Variants in PRDM9 observed in about 807,000 individuals in gnomAD.
The protein encoded by PRDM9 is PR/SET domain 9, also known as histone-lysine N-methyltransferase PRDM9.
Under a neutral mutation model 55.6 loss-of-function variants are expected in PRDM9, and 47 were observed. The observed-to-expected ratio is 0.85, with a 90% CI of 0.67 to 1.08. The LOEUF (loss-of-function observed/expected upper bound fraction) is 1.08. Among genes scored for constraint, PRDM9 ranks in the 50% least tolerant of loss-of-function variants. The pLI, the probability that PRDM9 is intolerant of heterozygous loss-of-function variation, is 0.00. For synonymous variants in PRDM9, 312 were observed against 375.7 expected (o/e 0.83, Z 1.96); for missense variants, 867 against 1,040.3 (o/e 0.83, Z 2.29).
Position 23,509,961 on chromosome 5 carries a change from C to A in PRDM9, c.235C>A (p.Gln79Lys). Residue 79 changes from glutamine (Q) to lysine (K), a missense_variant, in exon 4 of 11, where the codon CAG (glutamine) becomes AAG (lysine). By Grantham distance (53) the Gln-to-Lys change is moderately conservative (BLOSUM62 1). Coordinates refer to ENST00000296682, the MANE Select transcript of PRDM9 (RefSeq NM_020227.4). ...ACCAGCTTTCATGTGTCACCGAAGG[C>A]AGGCCATCAAACTCCAGGTGGATGA... ...TRPAFMCHRR[Q>K]AIKLQVDDTE... 6.2e-7 allele frequency: 1 copy of A among 1,613,730 alleles called. No individual in the cohort carries two copies. The highest frequency in any genetic ancestry group is 8.5e-7 in the Non-Finnish European group (1 of 1,179,942).
Position 23,527,680 on chromosome 5 carries a change from G to A in PRDM9, c.2592G>A (p.Glu864=). The part of the protein sequence containing the change: ...HTGEKPYVCR[E]CGRGFSDRSS... ...GGGAGAAGCCCTACGTCTGCAGGGA[G>A]TGTGGGCGGGGCTTTAGCGATAGGT... Residue 864 remains glutamate, a synonymous_variant, in exon 11 of 11, where the codon GAG becomes GAA. Transcript: ENST00000296682. 1 of 1,584,350 alleles carries A rather than the reference G, an allele frequency of 6.3e-7. No individual in the cohort carries two copies. The highest frequency in any genetic ancestry group is 8.6e-7 in the Non-Finnish European group (1 of 1,164,242).
rs745785368 is a variant in PRDM9 at position 23,509,429 on chromosome 5, T to A, written c.70-41T>A. 21 of 1,613,932 alleles carry A rather than the reference T, an allele frequency of 1.3e-5. 1 individual carries two copies. In the South Asian group the frequency reaches 1.9e-4, roughly 14 times the overall value. ...GTAGAGGAAAAGGACCAGCTTGATG[T>A]GTACTAGTAAATCACTGATGGAATC... On this transcript the variant is annotated intron_variant, in intron 2 of 10. Coordinates refer to ENST00000296682, the MANE Select transcript of PRDM9 (RefSeq NM_020227.4).
At chr5:23,522,281 C>T in intron 6 of PRDM9, 23 bp from the exon 7 acceptor site, 6 of 1,574,202 alleles carry the variant, frequency 3.8e-6, no homozygotes, top group Non-Finnish European at 5.2e-6. Context: ...CCAATTTTAC[C>T]CGTCTACTCT....
At chr5:23,510,353 G>T (rs763974673) in intron 4 of PRDM9, among the ~76,000 whole-genome samples, 2 of 151,476 alleles carry the variant, frequency 1.3e-5, no homozygotes, top group Non-Finnish European at 2.9e-5. Context: ...GAGCCACCAC[G>T]CCTGGCCTAT....
chr5:23,518,629 G>T (rs912532749), intron 5 of PRDM9, among the ~76,000 whole-genome samples: 6 of 152,194 alleles, frequency 3.9e-5, no homozygotes, highest in African/African-American at 1.4e-4. Flanking sequence ...CAGCTTTGAA[G>T]ACTGAGAAAC....
At chr5:23,517,784 C>T (rs2126419632) in intron 4 of PRDM9, 97 bp from the exon 5 acceptor site, 1 of 1,275,448 alleles carries the variant, frequency 7.8e-7, no homozygotes, top group South Asian at 1.2e-5. Context: ...GAGACTCCGT[C>T]TCAAAAATAA....
rs1242561352 is a variant in PRDM9 at position 23,509,584 on chromosome 5, A to C, written c.184A>C (p.Ile62Leu). The C allele has an allele frequency of 1.9e-6, 3 of 1,614,180 alleles. No homozygotes were observed. In the East Asian group the frequency reaches 6.7e-5, roughly 36 times the overall value. Residue 62 changes from isoleucine to leucine, a missense_variant, in exon 3 of 11, where the codon ATT (isoleucine) becomes CTT (leucine). Ile to Leu is a conservative substitution (Grantham distance 5). This residue lies in a region of PRDM9 where 662 missense variants were observed against 711.9 expected (regional missense o/e 0.93). Transcript: ENST00000296682. ...RNVKRNYNAL[I>L]TIGLRATRPA... ...TGTGAAAAGGAACTATAATGCACTG[A>C]TTACTATAGGTAACAGGAAGTGCTG...
At chr5:23,516,379 T>C (rs1739209511) in intron 4 of PRDM9, among the ~76,000 whole-genome samples, 1 of 152,160 alleles carries the variant, frequency 6.6e-6, no homozygotes, top group Non-Finnish European at 1.5e-5. Flanking sequence ...TCATGTATTA[T>C]TATTATTTTT....
At position 23,523,812 on chromosome 5, in the gene PRDM9, G is replaced by A. The variant is rs1309837842; in HGVS notation, c.950+454G>A. Among the ~76,000 whole-genome samples the A allele has an allele frequency of 2.6e-5, 4 of 152,224 alleles. No individual in the cohort carries two copies. The South Asian group carries it at 6.2e-4, about 24-fold the overall frequency. On this transcript the variant is annotated intron_variant, in intron 9 of 10. Transcript: ENST00000296682. ...TCAACTATTACTGTTCTATGTTATT[G>A]GGCCAAGAGAAAGAGACTTCTAAGT...
intron 5 of PRDM9, among the ~76,000 whole-genome samples, chr5:23,518,339 T>A (rs1409796403): frequency 6.6e-6 from 1 of 152,212 alleles, no homozygotes; most frequent in Non-Finnish European, 1.5e-5. Context: ...TCTAAAGCAC[T>A]TACAAGATCA....
intron 4 of PRDM9, among the ~76,000 whole-genome samples, chr5:23,515,451 C>A (rs893185323): frequency 2.6e-5 from 4 of 152,174 alleles, no homozygotes; most frequent in Admixed American, 2.6e-4. Flanking sequence ...ATATTTTCTT[C>A]CACTCTGTAG....
At position 23,527,292 on chromosome 5, in the gene PRDM9, T is replaced by A; in HGVS notation, c.2204T>A (p.Leu735His). The part of the protein sequence containing the change: ...CGRGFSNKSH[L>H]LRHQRTHTGE... ...CGGGGCTTTAGCAATAAGTCACACC[T>A]CCTCAGACACCAGAGGACACACACA... Residue 735 changes from leucine to histidine, a missense_variant, in exon 11 of 11, where the codon CTC (leucine) becomes CAC (histidine). Coordinates refer to ENST00000296682, the MANE Select transcript of PRDM9 (RefSeq NM_020227.4). The A allele has an allele frequency of 6.5e-7, 1 of 1,529,728 alleles. No homozygotes were observed. The highest frequency in any genetic ancestry group is 2.5e-5 in the East Asian group (1 of 39,438). 94.8% of individuals were successfully genotyped at this position (1,529,728 alleles called of 1,614,324 possible).
rs766580396 is a variant in PRDM9, at chr5:23,527,934, C to A, written c.*161C>A. The A allele has an allele frequency of 8.0e-5, 76 of 953,806 alleles. No individual in the cohort carries two copies. The highest frequency in any genetic ancestry group is 1.2e-4 in the Non-Finnish European group (72 of 625,182). 59.1% of individuals were successfully genotyped at this position (953,806 alleles called of 1,614,324 possible). A position where few individuals can be genotyped will look rare whatever the true frequency, so the allele number is the denominator to read the frequency against. On this transcript the variant is annotated 3_prime_UTR_variant, in exon 11 of 11. Coordinates refer to ENST00000296682, the MANE Select transcript of PRDM9 (RefSeq NM_020227.4). ...TCGGAAATAACTGATTAAACAAATCCGCCACTTTCATGACTAGAGATGAGG... is the reference window on the plus strand; with the variant it reads ...TCGGAAATAACTGATTAAACAAATCAGCCACTTTCATGACTAGAGATGAGG...
chr5:23,509,205 A>C, intron 2 of PRDM9, 103 bp downstream of exon 2: 1 of 1,497,114 alleles, frequency 6.7e-7, no homozygotes, highest in Non-Finnish European at 9.2e-7. Flanking sequence ...CTGAATGTGC[A>C]TGGAATGGGG....
Position 23,527,564 on chromosome 5 carries a change from CA to C in PRDM9, c.2477del (p.His826ProfsTer113). 1 of 1,576,944 alleles carries C rather than the reference CA, an allele frequency of 6.3e-7. No individual in the cohort carries two copies. Among genetic ancestry groups the C allele is most frequent in the Non-Finnish European group, 8.5e-7 (1 of 1,169,602 alleles). ...ACACCTCCTCAGACACCAGAGGACA[CA>C]CACAGGGGAGAAGCCCTATGTCTGC... Reference protein sequence around the residue: ...KSHLLRHQRTHTGEKPYVCRE... With the variant: ...KSHLLRHQRTXTGEKPYVCRE... On this transcript the variant is annotated frameshift_variant, in exon 11 of 11. Coordinates refer to ENST00000296682, the MANE Select transcript of PRDM9 (RefSeq NM_020227.4). LOFTEE classifies it low-confidence loss of function (END_TRUNC).
At chr5:23,511,462 C>T (rs1425099990) in intron 4 of PRDM9, among the ~76,000 whole-genome samples, 2 of 152,146 alleles carry the variant, frequency 1.3e-5, no homozygotes, top group Admixed American at 1.3e-4. Context: ...TTTCCTGTCT[C>T]AGTCTCCTGA....
rs1269470783 is a variant in PRDM9, at chr5:23,527,953, G to C, written c.*180G>C. 2.4e-6 allele frequency: 2 copies of C among 827,842 alleles called. No individual in the cohort carries two copies. The highest frequency in any genetic ancestry group is 3.4e-5 in the African/African-American group (2 of 58,930). 51.3% of individuals were successfully genotyped at this position (827,842 alleles called of 1,614,324 possible). ...CAAATCCGCCACTTTCATGACTAGA[G>C]ATGAGGAAGAACAAGGGATAGTTCT... On this transcript the variant is annotated 3_prime_UTR_variant, in exon 11 of 11. Coordinates refer to ENST00000296682, the MANE Select transcript of PRDM9 (RefSeq NM_020227.4).
chr5:23,521,927 G>C (rs1225116788), intron 6 of PRDM9, among the ~76,000 whole-genome samples: 1 of 152,148 alleles, frequency 6.6e-6, no homozygotes, highest in Non-Finnish European at 1.5e-5. Context: ...ATGTCTACTA[G>C]TTTGTAGAAG....
intron 8 of PRDM9, 25 bp from the exon 9 acceptor site, chr5:23,523,266 T>G (rs1490719897): frequency 6.2e-7 from 1 of 1,605,966 alleles, no homozygotes; most frequent in South Asian, 1.1e-5. Flanking sequence ...CTAAAAAGCC[T>G]TTGCCTTGTT....
Sources: allele counts gnomAD v4.1 joint callset (sites outside exome capture counted in the v4.1 genomes callset), GRCh38; gene constraint gnomAD v4.1.1; regional missense constraint gnomAD v4.1.1; transcripts MANE v1.5; gene names NCBI Gene and HGNC (gene_info 2026-07-23, HGNC 2026-07-21).